The following CDKL2 variants were observed in gnomAD, a reference collection of about 807,000 sequenced individuals.
CDKL2 encodes the protein cyclin-dependent kinase-like 2.
Under a neutral mutation model 63.9 loss-of-function variants are expected in CDKL2, and 64 were observed. The observed-to-expected ratio is 1.00, with a 90% CI of 0.82 to 1.23. The LOEUF (loss-of-function observed/expected upper bound fraction) is 1.23. CDKL2 is among the 50% of genes most tolerant of loss of function. The pLI is 0.00. For synonymous variants in CDKL2, 211 were observed against 229.2 expected, an observed-to-expected ratio of 0.92 and a Z score of 0.72; for missense variants, 656 against 668.0, an observed-to-expected ratio of 0.98 and a Z score of 0.20.
intron 12 of CDKL2, among the ~76,000 whole-genome samples, chr4:75,590,671 T>C (rs1336664856): frequency 1.3e-5 from 2 of 152,070 alleles, no homozygotes; most frequent in Admixed American, 1.3e-4. Flanking sequence ...GCTGAGATTG[T>C]GCCACTGCAC....
rs369750694 is a variant in CDKL2 at position 75,584,669 on chromosome 4, G to GT, written c.1648-2772dup. Among the ~76,000 whole-genome samples the GT allele has an allele frequency of 7.2e-5, 11 of 152,050 alleles. No homozygotes were observed. The South Asian group carries it at 8.3e-4, about 11-fold the overall frequency. On this transcript the variant is annotated intron_variant, in intron 12 of 13. Transcript: ENST00000307465. ...CCAAGCCCTAAATATACAGTATTGTGTTTTTTTTAATCTGAAAGCCTAGAC... is the reference window on the plus strand; with the variant it reads ...CCAAGCCCTAAATATACAGTATTGTGTTTTTTTTTAATCTGAAAGCCTAGAC...
chr4:75,622,621 G>A (rs1171280457), intron 2 of CDKL2, among the ~76,000 whole-genome samples: 1 of 148,472 alleles, frequency 6.7e-6, no homozygotes, highest in Non-Finnish European at 1.5e-5. Context: ...GGGAGGCTGA[G>A]GCAGGAGAAT....
chr4:75,612,825 C>A (rs1038156703), intron 3 of CDKL2, among the ~76,000 whole-genome samples: 1 of 152,164 alleles, frequency 6.6e-6, no homozygotes, highest in Non-Finnish European at 1.5e-5. Flanking sequence ...AATTAGGTTT[C>A]TCAAAATAGA....
chr4:75,598,479 C>T (rs1729037880), intron 7 of CDKL2, among the ~76,000 whole-genome samples: 1 of 151,652 alleles, frequency 6.6e-6, no homozygotes, highest in South Asian at 2.1e-4. Context: ...AACATGAAAG[C>T]AGTGGTGGAT....
At chr4:75,627,735 T>C (rs564008074) in intron 1 of CDKL2, among the ~76,000 whole-genome samples, 5 of 139,046 alleles carry the variant, frequency 3.6e-5, no homozygotes, top group African/African-American at 1.1e-4. Context: ...TTTTTTCTTT[T>C]TTTTTTTTTT....
At chr4:75,608,623 G>T (rs1729537819) in intron 3 of CDKL2, among the ~76,000 whole-genome samples, 1 of 152,188 alleles carries the variant, frequency 6.6e-6, no homozygotes, top group Non-Finnish European at 1.5e-5. Context: ...GGACCAGTAT[G>T]AGGTGATAAA....
At chr4:75,629,495 A>G (rs968887726) in intron 1 of CDKL2, among the ~76,000 whole-genome samples, 1 of 152,258 alleles carries the variant, frequency 6.6e-6, no homozygotes, top group Non-Finnish European at 1.5e-5. Flanking sequence ...CTCATAAACT[A>G]TAACTTCTCA....
At position 75,603,016 on chromosome 4, in the gene CDKL2, G is replaced by A. The variant is rs1192869470; in HGVS notation, c.795+801C>T. ...TTTTTTTTTTTTTTTTTTTTGAGAC[G>A]GAGTCTCGCTCTGTCGCCCAGGCCG... On this transcript the variant is annotated intron_variant, in intron 6 of 13. Transcript: ENST00000307465. Among the ~76,000 whole-genome samples the A allele has an allele frequency of 2.4e-5, 3 of 124,090 alleles. No individual in the cohort carries two copies. The Admixed American group carries it at 2.6e-4, about 11-fold the overall frequency. 81.4% of individuals were successfully genotyped at this position (124,090 alleles called of 152,430 possible). A position where few individuals can be genotyped will look rare whatever the true frequency, so the allele number is the denominator to read the frequency against.
At chr4:75,599,769 C>T (rs1007272130) in intron 7 of CDKL2, among the ~76,000 whole-genome samples, 2 of 152,148 alleles carry the variant, frequency 1.3e-5, no homozygotes, top group African/African-American at 4.8e-5. Context: ...TGCCACTCAT[C>T]TCACTATTCT....
chr4:75,605,302 G>A (rs971643485), intron 5 of CDKL2, among the ~76,000 whole-genome samples: 11 of 152,140 alleles, frequency 7.2e-5, no homozygotes, highest in Admixed American at 1.3e-4. Flanking sequence ...GCAGTGAGCC[G>A]AGATTGCGCC....
intron 12 of CDKL2, among the ~76,000 whole-genome samples, chr4:75,585,303 A>G (rs1231528442): frequency 6.6e-6 from 1 of 152,190 alleles, no homozygotes; most frequent in Non-Finnish European, 1.5e-5. Context: ...GCAGCCAGGC[A>G]TGGTGGCTCA....
chr4:75,593,164 C>T (rs889518321), intron 10 of CDKL2, among the ~76,000 whole-genome samples: 6 of 152,014 alleles, frequency 3.9e-5, no homozygotes, highest in Non-Finnish European at 5.9e-5. Flanking sequence ...GATGTTTCTG[C>T]TTACTCTTTT....
At chr4:75,596,216 G>A (rs1036104591) in intron 10 of CDKL2, 31 bp downstream of exon 10, 13 of 1,245,916 alleles carry the variant, frequency 1.0e-5, no homozygotes, top group Non-Finnish European at 1.5e-5. Flanking sequence ...ACTGGTGTTT[G>A]CTCTTCTACT....
intron 2 of CDKL2, 105 bp from the exon 3 acceptor site, chr4:75,614,554 G>C (rs774709260): frequency 1.5e-6 from 1 of 689,180 alleles, no homozygotes; most frequent in East Asian, 2.8e-5. Flanking sequence ...AGATCTCAGC[G>C]TAAGAAAAAT....
chr4:75,605,356 AACACACAC>A (rs140806852), intron 5 of CDKL2, among the ~76,000 whole-genome samples, 158 bp downstream of exon 5: 16 of 149,368 alleles, frequency 1.1e-4, no homozygotes, highest in Admixed American at 8.0e-4. Flanking sequence ...TCCATCTCAA[AACACACAC>A]ACACACACAC....
chr4:75,589,036 A>G (rs1475924330), intron 12 of CDKL2, among the ~76,000 whole-genome samples: 4 of 152,258 alleles, frequency 2.6e-5, no homozygotes, highest in Admixed American at 6.5e-5. Flanking sequence ...AAAAATGGGC[A>G]AAAGATTTGA....
intron 1 of CDKL2, among the ~76,000 whole-genome samples, chr4:75,626,418 A>G (rs557489110): frequency 6.1e-4 from 93 of 152,198 alleles, no homozygotes; most frequent in Admixed American, 1.3e-3. Context: ...TGTAATCCCA[A>G]CACTTTGGGA....
intron 2 of CDKL2, among the ~76,000 whole-genome samples, chr4:75,622,646 G>A (rs999364619): frequency 8.2e-5 from 12 of 146,668 alleles, no homozygotes; most frequent in African/African-American, 2.8e-4. Flanking sequence ...TGAACCCAGC[G>A]GGTAGAAGTT....
intron 12 of CDKL2, among the ~76,000 whole-genome samples, chr4:75,587,026 C>T (rs35445458): frequency 0.4 from 60,957 of 151,938 alleles, 12,973 homozygotes; most frequent in African/African-American, 0.51. Context: ...ATTAACAATG[C>T]CAAAGGCTTG....
Sources: allele counts gnomAD v4.1 joint callset (sites outside exome capture counted in the v4.1 genomes callset), GRCh38; gene constraint gnomAD v4.1.1; transcripts MANE v1.5; gene names NCBI Gene and HGNC (gene_info 2026-07-23, HGNC 2026-07-21).